The following FYB2 variants were observed in gnomAD, a reference collection of about 807,000 sequenced individuals.
FYB2 encodes FYN binding protein 2.
A neutral mutation model predicts 94.1 loss-of-function variants in FYB2; 103 were observed. That is an observed-to-expected ratio of 1.09 (90% CI 0.93 to 1.29). FYB2 has a LOEUF of 1.29. FYB2 is among the 50% of genes most tolerant of loss of function. FYB2 has a pLI of 0.00. For synonymous variants in FYB2, 293 were observed against 287.9 expected (o/e 1.02, Z -0.18); for missense variants, 896 against 841.5 (o/e 1.06, Z -0.80).
At chr1:56,763,703 C>T (rs1645554716) in intron 5 of FYB2, among the ~76,000 whole-genome samples, 1 of 151,978 alleles carries the variant, frequency 6.6e-6, no homozygotes, top group South Asian at 2.1e-4. Context: ...ATTTTTTCAA[C>T]CTTGCTAGAA....
rs894189370 is a variant in FYB2 at position 56,744,075 on chromosome 1, G to GA, written c.1503-10dup. 4 of 1,612,436 alleles carry GA rather than the reference G, an allele frequency of 2.5e-6. No homozygotes were observed. In the African/African-American group the frequency reaches 5.3e-5, roughly 22 times the overall value. ...AGTAGTTCAGCTTCGGTCTATGGGA[G>GA]AAAATAACAAAGACCATTATTGTAC... On this transcript the variant is annotated splice_polypyrimidine_tract_variant and intron_variant, in intron 10 of 19. Coordinates refer to ENST00000343433, the MANE Select transcript of FYB2 (RefSeq NM_001004303.5).
chr1:56,812,875 T>C (rs1328580745), intron 1 of FYB2, among the ~76,000 whole-genome samples: 8 of 152,252 alleles, frequency 5.3e-5, no homozygotes, highest in Non-Finnish European at 1.0e-4. Context: ...CTGATACGGT[T>C]CACTTATTAG....
At chr1:56,723,735 T>G in intron 16 of FYB2, 54 bp from the exon 17 acceptor site, 1 of 1,018,114 alleles carries the variant, frequency 9.8e-7, no homozygotes, top group Admixed American at 2.5e-5. Context: ...ACTTTTTAAG[T>G]TTCTGAGCCT....
At chr1:56,764,744 A>T (rs942080036) in intron 5 of FYB2, among the ~76,000 whole-genome samples, 1 of 152,080 alleles carries the variant, frequency 6.6e-6, no homozygotes, top group Non-Finnish European at 1.5e-5. Flanking sequence ...TTTCAGCTTC[A>T]GCTGCCGTAA....
At chr1:56,748,586 T>A (rs957895015) in intron 9 of FYB2, among the ~76,000 whole-genome samples, 1 of 151,804 alleles carries the variant, frequency 6.6e-6, no homozygotes, top group African/African-American at 2.4e-5. Context: ...CTCACTCTTT[T>A]AACGGTATAT....
At position 56,737,133 on chromosome 1, in the gene FYB2, C is replaced by A. The variant is rs866108041; in HGVS notation, c.1747G>T (p.Glu583Ter). 6.2e-7 allele frequency: 1 copy of A among 1,606,034 alleles called. No individual in the cohort carries two copies. The highest frequency in any genetic ancestry group is 8.5e-7 in the Non-Finnish European group (1 of 1,174,992). The change falls in exon 15 of 20, where the codon GAA becomes TAA. Residue 583 changes from glutamate (E) to a stop codon, truncating the protein, a stop_gained. Transcript: ENST00000343433. LOFTEE classifies it high-confidence loss of function. ...TCTACATCATCATAAATAATAACTT[C>A]CTGAGACTTAAGTTCTAGGGTCAAG... ...LLPDLELKSQ[E>*]VIIYDDVDLS... is the part of the protein sequence containing the mutation.
At position 56,719,479 on chromosome 1, in the gene FYB2, T is replaced by C; in HGVS notation, c.*192A>G. 1 of 543,512 alleles carries C rather than the reference T, an allele frequency of 1.8e-6. No homozygotes were observed. Among genetic ancestry groups the C allele is most frequent in the Middle Eastern group, 2.9e-4 (1 of 3,470 alleles). 33.7% of individuals were successfully genotyped at this position (543,512 alleles called of 1,614,324 possible). A position where few individuals can be genotyped will look rare whatever the true frequency, so the allele number is the denominator to read the frequency against. On this transcript the variant is annotated 3_prime_UTR_variant, in exon 20 of 20. Coordinates refer to ENST00000343433, the MANE Select transcript of FYB2 (RefSeq NM_001004303.5). ...TGAAATAGACATTGAAAGATAACCTTTTAGGAGTAAAACCAACATCTAAAT... is the reference window on the plus strand; with the variant it reads ...TGAAATAGACATTGAAAGATAACCTCTTAGGAGTAAAACCAACATCTAAAT...
At chr1:56,738,799 C>A (rs2100591398) in intron 13 of FYB2, 146 bp from the exon 14 acceptor site, 1 of 748,566 alleles carries the variant, frequency 1.3e-6, no homozygotes, top group Non-Finnish European at 2.1e-6. Context: ...AATAGTTTCT[C>A]TGGTATTAAC....
chr1:56,787,089 G>A, intron 4 of FYB2, 86 bp downstream of exon 4: 1 of 1,415,922 alleles, frequency 7.1e-7, no homozygotes, highest in Non-Finnish European at 1.0e-6. Context: ...CAGATTCTTG[G>A]TTTGTGCTAA....
intron 1 of FYB2, among the ~76,000 whole-genome samples, chr1:56,818,514 CA>C (rs1646938207): frequency 1.4e-5 from 2 of 143,626 alleles, no homozygotes; most frequent in East Asian, 2.1e-4. Flanking sequence ...ACACGCACAT[CA>C]AAAGAAACTG....
chr1:56,749,055 G>GT (rs60812894), intron 9 of FYB2, among the ~76,000 whole-genome samples: 32,532 of 141,688 alleles, frequency 0.23, 4,014 homozygotes, highest in East Asian at 0.43. Context: ...ACTCAGTTGT[G>GT]TTTTTTTTTT....
At chr1:56,728,331 G>A (rs948102508) in intron 15 of FYB2, among the ~76,000 whole-genome samples, 1 of 151,974 alleles carries the variant, frequency 6.6e-6, no homozygotes, top group African/African-American at 2.4e-5. Context: ...TACCTATTCT[G>A]AGCTTCCAGG....
intron 1 of FYB2, among the ~76,000 whole-genome samples, chr1:56,804,709 G>A (rs1054825675): frequency 2.0e-5 from 3 of 152,074 alleles, no homozygotes; most frequent in Non-Finnish European, 4.4e-5. Flanking sequence ...CAACCTGAGT[G>A]ACAGAGTGAG....
intron 4 of FYB2, among the ~76,000 whole-genome samples, chr1:56,783,815 G>T (rs899259809): frequency 9.9e-5 from 15 of 152,088 alleles, no homozygotes; most frequent in African/African-American, 3.4e-4. Flanking sequence ...AATAGAATTG[G>T]CTCTGATGAA....
intron 5 of FYB2, among the ~76,000 whole-genome samples, chr1:56,762,940 C>G (rs576337304): frequency 1.3e-5 from 2 of 152,248 alleles, no homozygotes; most frequent in South Asian, 4.1e-4. Flanking sequence ...TATTTTATGA[C>G]AGTTTTTTAA....
chr1:56,791,958 A>G lies in FYB2; in HGVS notation c.757+98T>C. 4 of 1,440,366 alleles carry G rather than the reference A, an allele frequency of 2.8e-6. No individual in the cohort carries two copies. In the South Asian group the frequency reaches 6.9e-5, roughly 25 times the overall value. 89.2% of individuals were successfully genotyped at this position (1,440,366 alleles called of 1,614,324 possible). On this transcript the variant is annotated intron_variant, in intron 2 of 19. Coordinates refer to ENST00000343433, the MANE Select transcript of FYB2 (RefSeq NM_001004303.5). ...TGGAGAGTCTGGAGCCACATTTCCCAGGTCATATACATAACCACTCTGAAT... is the reference window on the plus strand; with the variant it reads ...TGGAGAGTCTGGAGCCACATTTCCCGGGTCATATACATAACCACTCTGAAT...
chr1:56,773,439 G>A (rs952783681), intron 4 of FYB2, among the ~76,000 whole-genome samples: 8 of 152,152 alleles, frequency 5.3e-5, no homozygotes, highest in African/African-American at 7.2e-5. Context: ...GTTAGACACC[G>A]TGCATAGATT....
rs1645262986 is a variant in FYB2 at position 56,753,943 on chromosome 1, G to A, written c.1131-8C>T. 1 of 1,520,652 alleles carries A rather than the reference G, an allele frequency of 6.6e-7. No homozygotes were observed. The highest frequency in any genetic ancestry group is 1.9e-5 in the African/African-American group (1 of 51,410). 94.2% of individuals were successfully genotyped at this position (1,520,652 alleles called of 1,614,324 possible). A position where few individuals can be genotyped will look rare whatever the true frequency, so the allele number is the denominator to read the frequency against. ...TTATCTTCATGTTTAGCACTGAAAT[G>A]TGAAGAGATACCAGGAAAAAAATGA... is the stretch of plus-strand genomic sequence containing the variant. On this transcript the variant is annotated splice_region_variant and splice_polypyrimidine_tract_variant and intron_variant, in intron 7 of 19. Coordinates refer to ENST00000343433, the MANE Select transcript of FYB2 (RefSeq NM_001004303.5).
chr1:56,759,291 C>T (rs1645430987), intron 5 of FYB2, among the ~76,000 whole-genome samples: 4 of 152,128 alleles, frequency 2.6e-5, no homozygotes, highest in Admixed American at 2.6e-4. Context: ...AGTCATGCAT[C>T]GCTTAACAAT....
Sources: allele counts gnomAD v4.1 joint callset (sites outside exome capture counted in the v4.1 genomes callset), GRCh38; gene constraint gnomAD v4.1.1; transcripts MANE v1.5; gene names NCBI Gene and HGNC (gene_info 2026-07-23, HGNC 2026-07-21).